HSD17B3: variants seen among roughly 807,000 people sequenced by gnomAD.
The protein encoded by HSD17B3 is hydroxysteroid 17-beta dehydrogenase 3, also known as 17-beta-hydroxysteroid dehydrogenase type 3.
HSD17B3 carries 29 observed loss-of-function variants against 41.1 expected under a neutral mutation model. That is an observed-to-expected ratio of 0.71 (90% CI 0.53 to 0.96). The LOEUF (loss-of-function observed/expected upper bound fraction) is 0.96, where lower values mean the gene tolerates loss of function less well. Ranked by LOEUF, HSD17B3 falls within the 40% of genes least tolerant of loss-of-function variation. The pLI is 0.00. For synonymous variants in HSD17B3, 126 were observed against 145.6 expected, an observed-to-expected ratio of 0.87 and a Z score of 0.97; for missense variants, 323 against 374.6, an observed-to-expected ratio of 0.86 and a Z score of 1.14.
chr9:96,249,263 T>A (rs1836797448), intron 6 of HSD17B3, among the ~76,000 whole-genome samples: 2 of 152,152 alleles, frequency 1.3e-5, no homozygotes. Context: ...ACATAACTTG[T>A]CCAATGCTGT....
intron 2 of HSD17B3, among the ~76,000 whole-genome samples, chr9:96,293,513 C>G (rs1827232075): frequency 6.6e-6 from 1 of 151,828 alleles, no homozygotes; most frequent in Non-Finnish European, 1.5e-5. Flanking sequence ...ATAAATCAAC[C>G]TTTCTCTCCT....
intron 2 of HSD17B3, among the ~76,000 whole-genome samples, chr9:96,255,516 A>G (rs1052595502): frequency 2.6e-5 from 4 of 151,018 alleles, no homozygotes; most frequent in Non-Finnish European, 5.9e-5. Context: ...CAGCCTCCCA[A>G]GTAGCTGGGA....
At chr9:96,298,326 T>A in intron 2 of HSD17B3, 90 bp downstream of exon 2, 1 of 1,018,442 alleles carries the variant, frequency 9.8e-7, no homozygotes, top group Non-Finnish European at 1.6e-6. Context: ...ATACTGCTTT[T>A]ATATTCAAAA....
intron 2 of HSD17B3, among the ~76,000 whole-genome samples, chr9:96,255,367 CTTTTTT>C (rs869145717): frequency 1.6e-4 from 9 of 54,562 alleles, no homozygotes; most frequent in East Asian, 1.5e-3. Context: ...CCCAACATTT[CTTTTTT>C]TTTTTTTTTT....
chr9:96,255,273 G>A (rs546221397), intron 2 of HSD17B3, among the ~76,000 whole-genome samples: 37 of 146,296 alleles, frequency 2.5e-4, no homozygotes, highest in Non-Finnish European at 5.1e-4. Flanking sequence ...CTATGCATCA[G>A]AATTTAAAAT....
chr9:96,254,670 C>T (rs1318660999), intron 3 of HSD17B3, among the ~76,000 whole-genome samples, 198 bp downstream of exon 3: 1 of 152,214 alleles, frequency 6.6e-6, no homozygotes, highest in African/African-American at 2.4e-5. Flanking sequence ...CCTGCTTCCC[C>T]CAGCCCACAG....
rs1200730717 is a variant in HSD17B3, at chr9:96,249,828, G to C, written c.454-42C>G. 2.5e-6 allele frequency: 4 copies of C among 1,613,578 alleles called. No individual in the cohort carries two copies. The African/African-American group carries it at 4.0e-5, about 16-fold the overall frequency. ...CAACCACACATCAGCCGGATGATTA[G>C]AGAAATTCTCCTGGAAAGTAGTTGG... On this transcript the variant is annotated intron_variant, in intron 5 of 10. Transcript: ENST00000375263.
chr9:96,274,597 G>A (rs1220512256), intron 2 of HSD17B3, among the ~76,000 whole-genome samples: 1 of 152,024 alleles, frequency 6.6e-6, no homozygotes, highest in Non-Finnish European at 1.5e-5. Context: ...AGAATTTGAT[G>A]AATAAAATGA....
chr9:96,272,631 A>C (rs1320208479), intron 2 of HSD17B3, among the ~76,000 whole-genome samples: 1 of 151,008 alleles, frequency 6.6e-6, no homozygotes, highest in East Asian at 1.9e-4. Flanking sequence ...AGGGGAATAC[A>C]GCAACTGTGG....
At chr9:96,301,816 G>C in intron 1 of HSD17B3, 135 bp downstream of exon 1, 1 of 914,964 alleles carries the variant, frequency 1.1e-6, no homozygotes. Flanking sequence ...GGGAAGCGGA[G>C]GTTGCAGTGA....
intron 2 of HSD17B3, among the ~76,000 whole-genome samples, chr9:96,280,515 G>A (rs1826651050): frequency 6.6e-6 from 1 of 152,184 alleles, no homozygotes; most frequent in Non-Finnish European, 1.5e-5. Context: ...GGTTCTGGCA[G>A]AAATAGCACA....
At chr9:96,247,368 G>C (rs1836708453) in intron 6 of HSD17B3, 1 of 152,686 alleles carries the variant, frequency 6.5e-6, no homozygotes. Flanking sequence ...GAAAGGAGAG[G>C]GGTGGAGACA....
intron 2 of HSD17B3, among the ~76,000 whole-genome samples, chr9:96,274,127 A>C (rs1487446444): frequency 6.6e-6 from 1 of 152,244 alleles, no homozygotes; most frequent in African/African-American, 2.4e-5. Flanking sequence ...GTTTTAAAGA[A>C]GATCAGCAAA....
chr9:96,246,034 C>T (rs937169114), intron 7 of HSD17B3, among the ~76,000 whole-genome samples: 1 of 152,224 alleles, frequency 6.6e-6, no homozygotes, highest in Non-Finnish European at 1.5e-5. Context: ...GGCCAAGCCC[C>T]TTCTTCCTCT....
At chr9:96,251,827 C>A (rs951883076) in intron 4 of HSD17B3, among the ~76,000 whole-genome samples, 1 of 152,238 alleles carries the variant, frequency 6.6e-6, no homozygotes, top group African/African-American at 2.4e-5. Context: ...GAAAAATGTG[C>A]ACCAAAATGC....
chr9:96,302,032 C>A lies in HSD17B3; in HGVS notation c.73G>T (p.Val25Leu). The A allele has an allele frequency of 1.2e-6, 2 of 1,614,144 alleles. No homozygotes were observed. The highest frequency in any genetic ancestry group is 1.7e-6 in the Non-Finnish European group (2 of 1,180,004). Reference protein sequence around the residue: ...LVCLACLAKCVRFSRCVLLNY... With the variant: ...LVCLACLAKCLRFSRCVLLNY... ...AGTAAAACACATCTGGAGAATCTCA[C>A]GCACTTCGCCAGGCAGGCCAGGCAC... Residue 25 changes from valine (V) to leucine (L), a missense_variant, in exon 1 of 11, where the codon GTG becomes TTG. Transcript: ENST00000375263.
chr9:96,282,065 A>G (rs1015088995), intron 2 of HSD17B3, among the ~76,000 whole-genome samples: 2 of 152,206 alleles, frequency 1.3e-5, no homozygotes, highest in Non-Finnish European at 2.9e-5. Flanking sequence ...AGGATAGAAC[A>G]TGGGCATAGG....
At chr9:96,287,103 G>T (rs908563088) in intron 2 of HSD17B3, among the ~76,000 whole-genome samples, 2 of 152,084 alleles carry the variant, frequency 1.3e-5, no homozygotes, top group African/African-American at 4.8e-5. Flanking sequence ...GTGTAGAGAC[G>T]TCCACCCAAC....
chr9:96,246,510 G>C (rs748340830), intron 7 of HSD17B3, 46 bp downstream of exon 7: 2 of 1,585,944 alleles, frequency 1.3e-6, no homozygotes, highest in Admixed American at 3.3e-5. Flanking sequence ...TGACCGCCAG[G>C]GCAGGGAGGC....
Sources: gnomAD v4.1 joint callset for allele counts (sites outside exome capture counted in the v4.1 genomes callset) on GRCh38, gnomAD v4.1.1 for gene constraint, MANE v1.5 for transcripts, NCBI Gene and HGNC (gene_info 2026-07-23, HGNC 2026-07-21) for gene names.